Variants in LRBA observed in about 807,000 individuals in gnomAD.
LRBA encodes the protein LPS responsive beige-like anchor protein.
Under a neutral mutation model 330.0 loss-of-function variants are expected in LRBA, and 176 were observed. The observed-to-expected ratio is 0.53, with a 90% confidence interval of 0.47 to 0.60. LRBA has a LOEUF of 0.60. Ranked by LOEUF, LRBA falls within the 20% of genes least tolerant of loss-of-function variation. LRBA has a pLI of 0.00. For synonymous variants in LRBA, 1,230 were observed against 1,193.0 expected, an observed-to-expected ratio of 1.03 and a Z score of -0.64; for missense variants, 3,259 against 3,444.8, an observed-to-expected ratio of 0.95 and a Z score of 1.35.
At chr4:150,975,387 G>A (rs1459086096) in intron 2 of LRBA, among the ~76,000 whole-genome samples, 2 of 151,898 alleles carry the variant, frequency 1.3e-5, no homozygotes, top group Non-Finnish European at 2.9e-5. Flanking sequence ...TTAGCTGGGT[G>A]TGGTGGTGCA....
At chr4:150,302,558 A>C in intron 53 of LRBA, 67 bp downstream of exon 53, 2 of 1,091,618 alleles carry the variant, frequency 1.8e-6, no homozygotes, top group Non-Finnish European at 2.6e-6. Flanking sequence ...CAAAAAGGTA[A>C]CTTTACTGCA....
Position 150,279,666 on chromosome 4 carries a change from A to G in LRBA, c.8317-1662T>C, listed in dbSNP as rs146343294. ...GTCCCTTAAATACAGCTTATTCTCAAGAACACAAAAACACATCTAGGAAAT... is the reference window on the plus strand; with the variant it reads ...GTCCCTTAAATACAGCTTATTCTCAGGAACACAAAAACACATCTAGGAAAT... On this transcript the variant is annotated intron_variant, in intron 55 of 56. Coordinates refer to ENST00000651943, the MANE Select transcript of LRBA (RefSeq NM_001364905.1). 4.3e-3 allele frequency among the ~76,000 whole-genome samples: 653 copies of G among 152,368 alleles called. 3 individuals carry two copies. Among genetic ancestry groups the G allele is most frequent in the African/African-American group, 0.014 (589 of 41,592 alleles).
chr4:150,806,212 G>T, intron 33 of LRBA, 59 bp downstream of exon 33: 2 of 1,264,538 alleles, frequency 1.6e-6, no homozygotes, highest in Non-Finnish European at 2.1e-6. Context: ...CATTATCCAT[G>T]TAAGTTTTTA....
chr4:150,527,139 A>G (rs932615181), intron 40 of LRBA, among the ~76,000 whole-genome samples: 4 of 152,040 alleles, frequency 2.6e-5, no homozygotes, highest in African/African-American at 9.7e-5. Context: ...GGAATCAGCA[A>G]TTTCTCCAAA....
intron 28 of LRBA, among the ~76,000 whole-genome samples, chr4:150,836,100 C>G (rs1045260069): frequency 1.3e-5 from 2 of 152,094 alleles, no homozygotes; most frequent in Non-Finnish European, 2.9e-5. Context: ...TGCTGGATTA[C>G]GTTTATTGAT....
At chr4:150,476,011 T>C (rs758719301) in intron 42 of LRBA, among the ~76,000 whole-genome samples, 3 of 152,322 alleles carry the variant, frequency 2.0e-5, no homozygotes, top group Non-Finnish European at 2.9e-5. Flanking sequence ...TCTTTCATGG[T>C]TAGGTTAAAG....
At chr4:150,711,693 A>G (rs1279292375) in intron 36 of LRBA, among the ~76,000 whole-genome samples, 9 of 152,236 alleles carry the variant, frequency 5.9e-5, no homozygotes, top group Admixed American at 5.2e-4. Context: ...AATAACTATT[A>G]AAAAACCCAT....
rs543040231 is a variant in LRBA at position 150,878,989 on chromosome 4, G to C, written c.2166-6234C>G. Among the ~76,000 whole-genome samples the C allele has an allele frequency of 3.3e-5, 5 of 151,138 alleles. No homozygotes were observed. In the East Asian group the frequency reaches 9.7e-4, roughly 29 times the overall value. On this transcript the variant is annotated intron_variant, in intron 17 of 56. Transcript: ENST00000651943. ...CCTACTAAAAATATTCAAAAAACTT[G>C]AGTACAAGGAACTCCACCCTAACTT...
At chr4:150,352,438 CTA>C (rs1737305103) in intron 47 of LRBA, among the ~76,000 whole-genome samples, 1 of 152,056 alleles carries the variant, frequency 6.6e-6, no homozygotes, top group African/African-American at 2.4e-5. Context: ...AAACAAAACT[CTA>C]TGCAATTCTC....
chr4:150,495,571 A>G (rs942759592), intron 40 of LRBA, among the ~76,000 whole-genome samples: 1 of 152,192 alleles, frequency 6.6e-6, no homozygotes, highest in Non-Finnish European at 1.5e-5. Context: ...AATTTATATA[A>G]TAATATTTCT....
At chr4:150,977,382 T>C (rs1740306267) in intron 2 of LRBA, among the ~76,000 whole-genome samples, 1 of 152,042 alleles carries the variant, frequency 6.6e-6, no homozygotes, top group Non-Finnish European at 1.5e-5. Context: ...GCAACATATA[T>C]ACACACACGC....
At chr4:150,522,829 C>T (rs1290248429) in intron 40 of LRBA, among the ~76,000 whole-genome samples, 1 of 152,164 alleles carries the variant, frequency 6.6e-6, no homozygotes, top group Non-Finnish European at 1.5e-5. Flanking sequence ...AGAATCCTTC[C>T]AAGAGTCCCA....
chr4:150,547,524 C>T (rs921352847), intron 40 of LRBA, among the ~76,000 whole-genome samples: 1 of 152,070 alleles, frequency 6.6e-6, no homozygotes, highest in South Asian at 2.1e-4. Context: ...GATTACTGAC[C>T]ATTATCTCCT....
In LRBA at chr4:150,321,133, T is replaced by C. The variant is rs1003605183; in HGVS notation, c.7630+58A>G. 2 of 1,348,718 alleles carry C rather than the reference T, an allele frequency of 1.5e-6. No individual in the cohort carries two copies. Among genetic ancestry groups the C allele is most frequent in the Admixed American group, 2.5e-5 (1 of 40,082 alleles). The allele number at this position is 1,348,718 out of a possible 1,614,324, so 83.5% of individuals were successfully genotyped here. The stretch of plus-strand genomic sequence containing the variant: ...AATGTTGAGATATGCTATATTTAAG[T>C]GGGTATTACACAGTGTTCAGCAGTT... On this transcript the variant is annotated intron_variant, in intron 50 of 56. Transcript: ENST00000651943. This position sits in a 1 kb window ranked among gnomAD's most constrained non-coding sequence, Gnocchi z 4.5.
At chr4:150,765,709 T>G (rs1165824913) in intron 34 of LRBA, among the ~76,000 whole-genome samples, 2 of 152,072 alleles carry the variant, frequency 1.3e-5, no homozygotes, top group Non-Finnish European at 2.9e-5. Context: ...AAACTCCACA[T>G]GGATGAAATA....
intron 36 of LRBA, among the ~76,000 whole-genome samples, chr4:150,699,155 G>A (rs948116833): frequency 5.9e-5 from 9 of 152,144 alleles, no homozygotes; most frequent in African/African-American, 2.2e-4. Context: ...TCCTGAACTC[G>A]AGAAAGAATC....
intron 34 of LRBA, among the ~76,000 whole-genome samples, chr4:150,765,720 G>C (rs1735680663): frequency 6.6e-6 from 1 of 152,166 alleles, no homozygotes; most frequent in African/African-American, 2.4e-5. Flanking sequence ...GGATGAAATA[G>C]ATAACAGCAG....
chr4:150,591,889 C>A (rs571431654), intron 38 of LRBA, among the ~76,000 whole-genome samples: 2 of 152,138 alleles, frequency 1.3e-5, no homozygotes, highest in African/African-American at 4.8e-5. Context: ...AAACCCACAT[C>A]CTTCCAGGGC....
At chr4:150,522,879 A>C (rs1447898553) in intron 40 of LRBA, among the ~76,000 whole-genome samples, 1 of 152,218 alleles carries the variant, frequency 6.6e-6, no homozygotes, top group Admixed American at 6.5e-5. Context: ...GGGGCCACTG[A>C]ATAGAGCCCC....
Sources: gnomAD v4.1 joint callset for allele counts (sites outside exome capture counted in the v4.1 genomes callset) on GRCh38, gnomAD v4.1.1 for gene constraint, Gnocchi (gnomAD v3.1) non-coding constraint, MANE v1.5 for transcripts, NCBI Gene and HGNC (gene_info 2026-07-23, HGNC 2026-07-21) for gene names.